The following KLF12 variants were observed in gnomAD, a reference collection of about 807,000 sequenced individuals.
The protein encoded by KLF12 is KLF transcription factor 12, also known as Krueppel-like factor 12.
Under a neutral mutation model 37.8 loss-of-function variants are expected in KLF12, and 9 were observed. That is an observed-to-expected ratio of 0.24 (90% CI 0.14 to 0.42). KLF12 has a LOEUF of 0.42. KLF12 is among the 10% of genes least tolerant of loss of function. The pLI is 1.00. For synonymous variants in KLF12, 208 were observed against 202.1 expected, an observed-to-expected ratio of 1.03 and a Z score of -0.25; for missense variants, 411 against 516.0, an observed-to-expected ratio of 0.80 and a Z score of 1.97.
rs539254697 is a variant in KLF12, at chr13:73,977,920, C to G, written c.33+17070G>C. ...GCTGGAACAACTTGACATCCATGTG[C>G]AAAAAACTAAATCTAGCCACAGAGC... On this transcript the variant is annotated intron_variant, in intron 2 of 7. Coordinates refer to ENST00000377669, the MANE Select transcript of KLF12 (RefSeq NM_007249.5). Among the ~76,000 whole-genome samples, 3 of 152,230 alleles carry G rather than the reference C, an allele frequency of 2.0e-5. No individual in the cohort carries two copies. In the East Asian group the frequency reaches 5.8e-4, roughly 29 times the overall value.
chr13:74,044,869 A>C (rs1312830271), intron 1 of KLF12, among the ~76,000 whole-genome samples: 1 of 152,104 alleles, frequency 6.6e-6, no homozygotes, highest in Non-Finnish European at 1.5e-5. Context: ...TCAAAAAAAA[A>C]AAAAAAGTTA....
chr13:74,120,910 A>G (rs1036285091), intron 1 of KLF12, among the ~76,000 whole-genome samples: 5 of 152,152 alleles, frequency 3.3e-5, no homozygotes, highest in Non-Finnish European at 7.4e-5. Flanking sequence ...AAGATTATAT[A>G]AAATACTAAA....
chr13:73,941,398 A>G (rs1315146500), intron 3 of KLF12, among the ~76,000 whole-genome samples: 2 of 152,214 alleles, frequency 1.3e-5, no homozygotes, highest in Non-Finnish European at 2.9e-5. Flanking sequence ...CTATGTCGTA[A>G]AAAATAGATA....
At chr13:74,250,060 C>T in the KLF12 span, among the ~76,000 whole-genome samples, 2,998 of 152,198 alleles carry the variant, frequency 0.02, 56 homozygotes, top group Middle Eastern at 0.054. Flanking sequence ...CTGAGGTCCT[C>T]ATTTTGGGAA....
At chr13:73,983,506 A>C (rs1239789435) in intron 2 of KLF12, among the ~76,000 whole-genome samples, 2 of 152,112 alleles carry the variant, frequency 1.3e-5, no homozygotes, top group Non-Finnish European at 2.9e-5. Flanking sequence ...TCTTGCCTCT[A>C]ACTTACTCCC....
chr13:73,700,708 T>C (rs1874489759), intron 7 of KLF12, among the ~76,000 whole-genome samples: 1 of 152,058 alleles, frequency 6.6e-6, no homozygotes, highest in African/African-American at 2.4e-5. Context: ...GTTTTCATTA[T>C]ATACGCCCAG....
chr13:73,964,050 CA>C (rs1891104900), intron 2 of KLF12, among the ~76,000 whole-genome samples: 1 of 152,218 alleles, frequency 6.6e-6, no homozygotes, highest in Admixed American at 6.5e-5. Context: ...GTGAAATCAA[CA>C]AATGGGGAAG....
chr13:74,271,274 A>T, the KLF12 span, among the ~76,000 whole-genome samples: 2 of 152,224 alleles, frequency 1.3e-5, no homozygotes, highest in South Asian at 4.1e-4. Context: ...CTGCTAAATT[A>T]GAATAACTTT....
chr13:74,285,541 T>TG, the KLF12 span, among the ~76,000 whole-genome samples: 2 of 152,226 alleles, frequency 1.3e-5, no homozygotes, highest in African/African-American at 4.8e-5. Context: ...TATTGTGTGA[T>TG]GGGGCATCCC....
chr13:73,828,491 C>T (rs1291249217), intron 4 of KLF12, among the ~76,000 whole-genome samples: 3 of 152,022 alleles, frequency 2.0e-5, no homozygotes, highest in Non-Finnish European at 4.4e-5. Flanking sequence ...AGAACCTGGG[C>T]ATTATCCTAG....
At chr13:74,149,577 A>G in the KLF12 span, among the ~76,000 whole-genome samples, 1 of 152,200 alleles carries the variant, frequency 6.6e-6, no homozygotes, top group East Asian at 1.9e-4. Flanking sequence ...ATTATTGCGG[A>G]CACCTCACAA....
the KLF12 span, among the ~76,000 whole-genome samples, chr13:74,287,508 C>A: frequency 6.6e-6 from 1 of 152,018 alleles, no homozygotes; most frequent in Non-Finnish European, 1.5e-5. Flanking sequence ...CAAGCACAAA[C>A]CAAATTATGC....
intron 3 of KLF12, among the ~76,000 whole-genome samples, chr13:73,904,469 C>CTTTTTTTTTT (rs11342071): frequency 9.8e-5 from 9 of 92,028 alleles, no homozygotes; most frequent in East Asian, 3.4e-4. Context: ...TCTTTCTTTC[C>CTTTTTTTTTT]TTTTTTTTTT....
At chr13:73,891,062 T>C (rs898822146) in intron 3 of KLF12, among the ~76,000 whole-genome samples, 12 of 152,050 alleles carry the variant, frequency 7.9e-5, no homozygotes, top group Non-Finnish European at 1.5e-4. Context: ...TTAAAAAAAA[T>C]ACAACTTCTT....
At chr13:74,273,632 A>G in the KLF12 span, among the ~76,000 whole-genome samples, 1 of 152,216 alleles carries the variant, frequency 6.6e-6, no homozygotes, top group East Asian at 1.9e-4. Flanking sequence ...AATAATCATA[A>G]TAAACCTGAA....
the KLF12 span, among the ~76,000 whole-genome samples, chr13:74,287,928 C>T: frequency 6.6e-6 from 1 of 152,168 alleles, no homozygotes; most frequent in Admixed American, 6.5e-5. Context: ...ACTAAGTGCA[C>T]AGTAACCTTC....
At chr13:73,862,059 T>A (rs1460706478) in intron 3 of KLF12, among the ~76,000 whole-genome samples, 1 of 118,708 alleles carries the variant, frequency 8.4e-6, no homozygotes, top group African/African-American at 2.6e-5. Context: ...AGTTGGGTTT[T>A]TTTTTTTTTT....
At chr13:74,026,203 A>C (rs1046228455) in intron 1 of KLF12, among the ~76,000 whole-genome samples, 2 of 152,038 alleles carry the variant, frequency 1.3e-5, no homozygotes, top group African/African-American at 4.8e-5. Context: ...GGGTTCAAAA[A>C]CTTAGCAATA....
At chr13:73,753,443 C>G (rs78648184) in intron 6 of KLF12, among the ~76,000 whole-genome samples, 4,866 of 152,234 alleles carry the variant, frequency 0.032, 239 homozygotes, top group African/African-American at 0.11. Context: ...CAATCATATC[C>G]TCATTACATT....
Sources: allele counts gnomAD v4.1 joint callset (sites outside exome capture counted in the v4.1 genomes callset), GRCh38; gene constraint gnomAD v4.1.1; transcripts MANE v1.5; gene names NCBI Gene and HGNC (gene_info 2026-07-23, HGNC 2026-07-21).